Variants in SATL1 observed in about 807,000 individuals in gnomAD.
SATL1 encodes the protein spermidine/spermine N1-acetyl transferase like 1, also known as spermidine/spermine N(1)-acetyltransferase-like protein 1.
SATL1 carries 47 observed loss-of-function variants against 51.8 expected under a neutral mutation model. The ratio of observed to expected loss-of-function variants is 0.91; its 90% CI spans 0.72 to 1.16. SATL1 has a LOEUF of 1.16. SATL1 is among the 50% of genes most tolerant of loss of function. The pLI, the probability that SATL1 is intolerant of heterozygous loss-of-function variation, is 0.00. For missense variants in SATL1, 520 were observed against 526.4 expected, an observed-to-expected ratio of 0.99 and a Z score of 0.12; for synonymous variants, 176 against 182.4, an observed-to-expected ratio of 0.97 and a Z score of 0.28.
At chrX:85,211,608 G>A (rs1359593428) in intron 2 of SATL1, 1 of 111,389 alleles carries the variant, frequency 9.0e-6, no homozygotes, top group East Asian at 2.8e-4. Flanking sequence ...ATGACAATGG[G>A]AAGGGGGATT....
intron 2 of SATL1, among the ~76,000 whole-genome samples, chrX:85,135,089 C>T (rs1479263569): frequency 9.0e-6 from 1 of 110,955 alleles, no homozygotes; most frequent in Non-Finnish European, 1.9e-5. Context: ...AAACCAAATG[C>T]TGCATGTTCT....
At chrX:85,162,584 G>A (rs994472829) in intron 2 of SATL1, among the ~76,000 whole-genome samples, 6 of 111,167 alleles carry the variant, frequency 5.4e-5, no homozygotes, top group African/African-American at 2.0e-4. Context: ...ATGTTGAATA[G>A]AAGTGGTGAA....
At chrX:85,203,260 C>T (rs1400749124) in intron 2 of SATL1, among the ~76,000 whole-genome samples, 2 of 111,249 alleles carry the variant, frequency 1.8e-5, no homozygotes, top group Non-Finnish European at 1.9e-5. Context: ...CGGCTGGAGA[C>T]CCCAGTTGAG....
At chrX:85,120,618 G>T (rs996649911) in intron 2 of SATL1, among the ~76,000 whole-genome samples, 2 of 111,618 alleles carry the variant, frequency 1.8e-5, no homozygotes, top group Admixed American at 1.9e-4. Context: ...TTTGGAACTT[G>T]AAAAATCATA....
chrX:85,207,985 G>A (rs1037288973), intron 2 of SATL1: 4 of 111,366 alleles, frequency 3.6e-5, no homozygotes, highest in African/African-American at 1.3e-4. Flanking sequence ...CATGTGCCAT[G>A]TTGGTTTGCA....
intron 2 of SATL1, among the ~76,000 whole-genome samples, chrX:85,182,239 C>T (rs921677227): frequency 2.2e-4 from 24 of 111,331 alleles, no homozygotes; most frequent in Non-Finnish European, 3.8e-4. Context: ...TCCCTATCCT[C>T]TCCTTTCCCC....
chrX:85,227,579 T>C (rs988178227), intron 1 of SATL1, among the ~76,000 whole-genome samples: 3 of 92,043 alleles, frequency 3.3e-5, no homozygotes, highest in African/African-American at 1.1e-4. Flanking sequence ...AACCTCTGAA[T>C]GAGGAATTAC....
At chrX:85,171,747 T>C (rs971035292) in intron 2 of SATL1, among the ~76,000 whole-genome samples, 8 of 111,734 alleles carry the variant, frequency 7.2e-5, no homozygotes, top group Non-Finnish European at 1.3e-4. Context: ...TAGCTAGCAT[T>C]CTTTAGTTTA....
intron 2 of SATL1, among the ~76,000 whole-genome samples, chrX:85,158,145 G>T (rs1304770567): frequency 6.7e-5 from 7 of 104,934 alleles, no homozygotes; most frequent in African/African-American, 2.4e-4. Context: ...ATTCATCACT[G>T]TTTTTTTTTT....
intron 3 of SATL1, among the ~76,000 whole-genome samples, chrX:85,104,852 C>T (rs1987009988): frequency 9.0e-6 from 1 of 111,360 alleles, no homozygotes; most frequent in Admixed American, 9.6e-5. Flanking sequence ...AAAGTCTGTA[C>T]ATGTTCAGTA....
At position 85,095,016 on chromosome X, in the gene SATL1, A is replaced by T; in HGVS notation, c.1694-20T>A. Reference sequence around the variant, plus strand: ...GTAAATCTGAAATATCAATTCATATATAGGATGTCAGAAAGTTTATAGCAG... The same window carrying T: ...GTAAATCTGAAATATCAATTCATATTTAGGATGTCAGAAAGTTTATAGCAG... On this transcript the variant is annotated intron_variant, in intron 4 of 7. Transcript: ENST00000644105. 1 of 916,742 alleles carries T rather than the reference A, an allele frequency of 1.1e-6. No homozygotes were observed. The highest frequency in any genetic ancestry group is 1.6e-6 in the Non-Finnish European group (1 of 634,303). The allele number at this position is 916,742 out of a possible 1,213,427, so 75.5% of individuals were successfully genotyped here. A position where few individuals can be genotyped will look rare whatever the true frequency, so the allele number is the denominator to read the frequency against.
At chrX:85,179,099 A>C (rs1470408232) in intron 2 of SATL1, among the ~76,000 whole-genome samples, 1 of 112,100 alleles carries the variant, frequency 8.9e-6, no homozygotes, top group Non-Finnish European at 1.9e-5. Context: ...GAAATGTGGC[A>C]AGTATAACTA....
chrX:85,232,572 G>A (rs1427289525), intron 1 of SATL1, among the ~76,000 whole-genome samples: 2 of 111,513 alleles, frequency 1.8e-5, no homozygotes, highest in African/African-American at 6.5e-5. Context: ...TATCCTGTAG[G>A]GAGAGTCCCA....
intron 2 of SATL1, among the ~76,000 whole-genome samples, chrX:85,127,410 C>A (rs1374741610): frequency 9.0e-6 from 1 of 111,421 alleles, no homozygotes; most frequent in Non-Finnish European, 1.9e-5. Flanking sequence ...ATCCAAGAAC[C>A]AAGGAATGTT....
intron 3 of SATL1, among the ~76,000 whole-genome samples, chrX:85,105,577 G>T (rs1275321756): frequency 7.2e-5 from 8 of 111,702 alleles, no homozygotes; most frequent in African/African-American, 2.6e-4. Flanking sequence ...GCAATGAAAT[G>T]ACTAGGCTCC....
At chrX:85,100,060 G>A (rs1378037191) in intron 4 of SATL1, among the ~76,000 whole-genome samples, 1 of 112,153 alleles carries the variant, frequency 8.9e-6, no homozygotes, top group African/African-American at 3.2e-5. Flanking sequence ...ACAAAAATTA[G>A]CCAGGTGTGG....
intron 2 of SATL1, among the ~76,000 whole-genome samples, chrX:85,152,382 G>A (rs894681630): frequency 5.4e-5 from 6 of 111,728 alleles, no homozygotes; most frequent in African/African-American, 2.0e-4. Flanking sequence ...TTGTAAACTA[G>A]TTCAACCATT....
intron 2 of SATL1, among the ~76,000 whole-genome samples, chrX:85,134,620 A>G (rs1351923596): frequency 8.9e-6 from 1 of 112,072 alleles, no homozygotes; most frequent in Non-Finnish European, 1.9e-5. Flanking sequence ...CAAAGTAAAG[A>G]TCAAGTAAAG....
At chrX:85,153,498 C>G (rs973600955) in intron 2 of SATL1, among the ~76,000 whole-genome samples, 1 of 111,819 alleles carries the variant, frequency 8.9e-6, no homozygotes, top group Non-Finnish European at 1.9e-5. Flanking sequence ...TCTTCATTGC[C>G]TAATGATTGG....
Sources: gnomAD v4.1 joint callset for allele counts (sites outside exome capture counted in the v4.1 genomes callset) on GRCh38, gnomAD v4.1.1 for gene constraint, MANE v1.5 for transcripts, NCBI Gene and HGNC (gene_info 2026-07-23, HGNC 2026-07-21) for gene names.